The following PCMT1 variants were observed in gnomAD, a reference collection of about 807,000 sequenced individuals.
PCMT1 encodes protein-L-isoaspartate(D-aspartate) O-methyltransferase.
PCMT1 carries 9 observed loss-of-function variants against 29.2 expected under a neutral mutation model. The observed-to-expected ratio is 0.31, with a 90% confidence interval of 0.19 to 0.54. PCMT1 has a LOEUF of 0.54. Among genes scored for constraint, PCMT1 ranks in the 20% least tolerant of loss-of-function variants. The probability of loss-of-function intolerance (pLI) is 0.95; values close to 1 mark genes in which losing one functional copy is unlikely to be tolerated. For synonymous variants in PCMT1, 98 were observed against 97.5 expected, an observed-to-expected ratio of 1.00 and a Z score of -0.03; for missense variants, 184 against 282.2, an observed-to-expected ratio of 0.65 and a Z score of 2.49.
In PCMT1 at chr6:149,781,614, T is replaced by TCACC. The variant is rs1243992209; in HGVS notation, c.193-8338_193-8337insCCCA. On this transcript the variant is annotated intron_variant, in intron 3 of 7. Coordinates refer to ENST00000464889, the MANE Select transcript of PCMT1 (RefSeq NM_001360452.2). ...CAAGCAATCCTCCTGCCTGTGCCTC[T>TCACC]CAAAGTGCTGGGATTACAAGCACGA... 2.6e-5 allele frequency among the ~76,000 whole-genome samples: 4 copies of TCACC among 152,264 alleles called. No individual in the cohort carries two copies. In the East Asian group the frequency reaches 7.7e-4, roughly 29 times the overall value.
At chr6:149,803,609 C>G (rs181595648) in intron 7 of PCMT1, among the ~76,000 whole-genome samples, 1 of 151,988 alleles carries the variant, frequency 6.6e-6, no homozygotes, top group African/African-American at 2.4e-5. Context: ...AATGCCAAAA[C>G]AAGAACGGCT....
intron 5 of PCMT1, chr6:149,796,119 A>T (rs1291654974): frequency 8.5e-6 from 2 of 234,014 alleles, no homozygotes; most frequent in Admixed American, 5.4e-5. Context: ...GGATCACCTG[A>T]GGTCAGGAGT....
intron 7 of PCMT1, among the ~76,000 whole-genome samples, chr6:149,803,424 A>G (rs1181576561): frequency 6.6e-6 from 1 of 150,758 alleles, no homozygotes; most frequent in Non-Finnish European, 1.5e-5. Flanking sequence ...GCATGCAGCA[A>G]CTTTCAGCAC....
In PCMT1 at chr6:149,810,670, C is replaced by T; in HGVS notation, c.*92C>T. On this transcript the variant is annotated 3_prime_UTR_variant, in exon 8 of 8. Transcript: ENST00000464889. Reference sequence around the variant, plus strand: ...ACCAGTATAAAATTACAGTGGATTGCTCATCTCAGTCCTCAAAGCTTTTTG... The same window carrying T: ...ACCAGTATAAAATTACAGTGGATTGTTCATCTCAGTCCTCAAAGCTTTTTG... 1 of 1,486,884 alleles carries T rather than the reference C, an allele frequency of 6.7e-7. No homozygotes were observed. The highest frequency in any genetic ancestry group is 9.2e-7 in the Non-Finnish European group (1 of 1,090,012). The allele number at this position is 1,486,884 out of a possible 1,614,324, so 92.1% of individuals were successfully genotyped here.
At chr6:149,759,128 G>T (rs578221425) in intron 1 of PCMT1, among the ~76,000 whole-genome samples, 1 of 152,292 alleles carries the variant, frequency 6.6e-6, no homozygotes, top group South Asian at 2.1e-4. Flanking sequence ...GCCCGGCTCG[G>T]CCTCCCAAAG....
At chr6:149,788,441 G>T (rs1481176155) in intron 3 of PCMT1, among the ~76,000 whole-genome samples, 1 of 152,100 alleles carries the variant, frequency 6.6e-6, no homozygotes, top group African/African-American at 2.4e-5. Context: ...CTGAGAAATG[G>T]TTCCTTATTC....
intron 1 of PCMT1, among the ~76,000 whole-genome samples, chr6:149,770,067 T>A (rs1323297226): frequency 1.3e-5 from 2 of 152,240 alleles, no homozygotes; most frequent in Non-Finnish European, 2.9e-5. Flanking sequence ...TGCATATCTT[T>A]TAGATGTTGG....
intron 3 of PCMT1, among the ~76,000 whole-genome samples, chr6:149,788,659 G>T (rs902365890): frequency 6.6e-6 from 1 of 152,208 alleles, no homozygotes; most frequent in Non-Finnish European, 1.5e-5. Flanking sequence ...TTGATCATCT[G>T]ATTAAGGTAG....
At chr6:149,775,355 G>A (rs1787519386) in intron 3 of PCMT1, among the ~76,000 whole-genome samples, 1 of 152,082 alleles carries the variant, frequency 6.6e-6, no homozygotes, top group Non-Finnish European at 1.5e-5. Context: ...GATACATTTT[G>A]AAACTTACAT....
intron 1 of PCMT1, among the ~76,000 whole-genome samples, chr6:149,770,510 G>A (rs942277138): frequency 1.3e-5 from 2 of 151,974 alleles, no homozygotes; most frequent in Non-Finnish European, 2.9e-5. Flanking sequence ...ATGAAGGCCA[G>A]CCTGGCTAAC....
chr6:149,771,397 G>A (rs1314691248), intron 2 of PCMT1, 131 bp downstream of exon 2: 2 of 515,726 alleles, frequency 3.9e-6, no homozygotes, highest in Non-Finnish European at 6.8e-6. Flanking sequence ...GACTCAGCAA[G>A]TTTCATAATC....
chr6:149,763,750 A>C (rs926984894), intron 1 of PCMT1, among the ~76,000 whole-genome samples: 2 of 152,186 alleles, frequency 1.3e-5, no homozygotes, highest in African/African-American at 2.4e-5. Flanking sequence ...GATGGTTTCA[A>C]AAATTGATGA....
rs1252563959 is a variant in PCMT1 at position 149,785,286 on chromosome 6, AT to A, written c.193-4659del. 6.2e-5 allele frequency among the ~76,000 whole-genome samples: 7 copies of A among 112,486 alleles called. No homozygotes were observed. The East Asian group carries it at 1.7e-3, about 28-fold the overall frequency. 73.8% of individuals were successfully genotyped at this position (112,486 alleles called of 152,430 possible). On this transcript the variant is annotated intron_variant, in intron 3 of 7. Transcript: ENST00000464889. Reference sequence around the variant, plus strand: ...TAGTGACTGGAATAAGTAGTTGTTAATTTTTTTTTAATTGTTCCATGGAATA... The same window carrying A: ...TAGTGACTGGAATAAGTAGTTGTTAATTTTTTTTAATTGTTCCATGGAATA...
chr6:149,809,739 C>A (rs1583067647), intron 7 of PCMT1, among the ~76,000 whole-genome samples: 1 of 152,230 alleles, frequency 6.6e-6, no homozygotes, highest in East Asian at 1.9e-4. Flanking sequence ...TCCTAAATCT[C>A]TTCATCCAGA....
Position 149,749,759 on chromosome 6 carries a change from G to A in PCMT1, c.-143G>A, listed in dbSNP as rs562173382. The A allele has an allele frequency of 2.7e-4, 411 of 1,547,176 alleles. 1 individual carries two copies. The African/African-American group carries it at 5.1e-3, about 19-fold the overall frequency. The stretch of plus-strand genomic sequence containing the variant: ...GGAGCGCGCAGTGGCGGCAGCGGCG[G>A]CGACGGCAGTAACAGCGGCAGCTAC... On this transcript the variant is annotated 5_prime_UTR_variant, in exon 1 of 8. Coordinates refer to ENST00000464889, the MANE Select transcript of PCMT1 (RefSeq NM_001360452.2).
At chr6:149,786,096 C>T (rs1300625424) in intron 3 of PCMT1, among the ~76,000 whole-genome samples, 2 of 144,568 alleles carry the variant, frequency 1.4e-5, no homozygotes, top group East Asian at 4.4e-4. Context: ...GCTCCTCCTT[C>T]CCAGTAGGGG....
intron 3 of PCMT1, among the ~76,000 whole-genome samples, chr6:149,775,741 T>C (rs1307869897): frequency 6.6e-6 from 1 of 152,148 alleles, no homozygotes; most frequent in African/African-American, 2.4e-5. Flanking sequence ...AATATTGTAA[T>C]ACATATGACA....
At chr6:149,752,200 A>G (rs926056853) in intron 1 of PCMT1, among the ~76,000 whole-genome samples, 4 of 151,124 alleles carry the variant, frequency 2.6e-5, no homozygotes, top group Non-Finnish European at 5.9e-5. Flanking sequence ...TTAGATGTCA[A>G]CATTTTTTTT....
chr6:149,795,674 T>A, intron 5 of PCMT1: 1 of 372,670 alleles, frequency 2.7e-6, no homozygotes, highest in African/African-American at 2.1e-5. Context: ...GTTGTCCTGA[T>A]GGCATAACTG....
Sources: gnomAD v4.1 joint callset for allele counts (sites outside exome capture counted in the v4.1 genomes callset) on GRCh38, gnomAD v4.1.1 for gene constraint, MANE v1.5 for transcripts, NCBI Gene and HGNC (gene_info 2026-07-23, HGNC 2026-07-21) for gene names.